Variants in EIF2S2 observed in about 807,000 individuals in gnomAD.
The protein encoded by EIF2S2 is eukaryotic translation initiation factor 2 subunit beta.
Under a neutral mutation model 44.0 loss-of-function variants are expected in EIF2S2, and 4 were observed. The observed-to-expected ratio is 0.09, with a 90% CI of 0.04 to 0.21. EIF2S2 has a LOEUF of 0.21. Ranked by LOEUF, EIF2S2 falls within the 10% of genes least tolerant of loss-of-function variation. The pLI is 1.00. For missense variants in EIF2S2, 154 were observed against 392.0 expected (o/e 0.39, Z 5.13); for synonymous variants, 108 against 128.3 (o/e 0.84, Z 1.07).
At chr20:34,095,229 T>TA in intron 6 of EIF2S2, among the ~76,000 whole-genome samples, 1 of 152,088 alleles carries the variant, frequency 6.6e-6, no homozygotes, top group East Asian at 1.9e-4. Flanking sequence ...TAAAAACCAG[T>TA]ATGATAGCAA....
chr20:34,112,165 G>C lies in EIF2S2; in HGVS notation c.-55C>G. On this transcript the variant is annotated 5_prime_UTR_variant, in exon 1 of 9. Coordinates refer to ENST00000374980, the MANE Select transcript of EIF2S2 (RefSeq NM_003908.5). ...CGGGAAGTCAGACGGGTCAGCCCCA[G>C]GCCCCGGCGGCAGCGCTGCCCCTGC... The C allele has an allele frequency of 1.3e-6, 2 of 1,500,224 alleles. No individual in the cohort carries two copies. Among genetic ancestry groups the C allele is most frequent in the South Asian group, 1.3e-5 (1 of 79,940 alleles). 92.9% of individuals were successfully genotyped at this position (1,500,224 alleles called of 1,614,324 possible). A position where few individuals can be genotyped will look rare whatever the true frequency, so the allele number is the denominator to read the frequency against.
chr20:34,097,331 A>G (rs2034240724), intron 5 of EIF2S2, 85 bp downstream of exon 5: 7 of 1,159,486 alleles, frequency 6.0e-6, no homozygotes, highest in South Asian at 4.1e-5. Context: ...CATTACTTCA[A>G]CGGCCGTTCC....
rs144844554 is a variant in EIF2S2 at position 34,105,898 on chromosome 20, A to G, written c.16-353T>C. Among the ~76,000 whole-genome samples the G allele has an allele frequency of 2.1e-4, 32 of 152,290 alleles. No homozygotes were observed. In the East Asian group the frequency reaches 4.0e-3, roughly 19 times the overall value. Reference sequence around the variant, plus strand: ...CCTCACTTTACAGATATAGGAAAACAATACCTAAGCGGGGTGTAAATTTTT... The same window carrying G: ...CCTCACTTTACAGATATAGGAAAACGATACCTAAGCGGGGTGTAAATTTTT... On this transcript the variant is annotated intron_variant, in intron 1 of 8. Coordinates refer to ENST00000374980, the MANE Select transcript of EIF2S2 (RefSeq NM_003908.5).
At chr20:34,091,482 G>A (rs1443029636) in intron 7 of EIF2S2, among the ~76,000 whole-genome samples, 1 of 152,140 alleles carries the variant, frequency 6.6e-6, no homozygotes, top group Admixed American at 6.5e-5. Flanking sequence ...TTGGGAGGCT[G>A]AGGCGAGTTG....
In EIF2S2 at chr20:34,105,392, C is replaced by T. The variant is rs1409995634; in HGVS notation, c.169G>A (p.Asp57Asn). ...EPTEDKDLEA[D>N]EEDTRKKDAS... ...CCTTTTTTCCTAGTGTCCTCTTCAT[C>T]AGCTTCCAAATCCTTGTCCTCAGTT... Residue 57 changes from aspartate to asparagine, a missense_variant, in exon 2 of 9, where the codon GAT becomes AAT. Physicochemically the swap from Asp to Asn is conservative, Grantham distance 23 (BLOSUM62 1). Around this residue, in one of 2 missense-constraint regions of EIF2S2, gnomAD observed 134 missense variants for 225.0 expected, o/e 0.60. Coordinates refer to ENST00000374980, the MANE Select transcript of EIF2S2 (RefSeq NM_003908.5). The T allele has an allele frequency of 2.0e-5, 33 of 1,613,240 alleles. No individual in the cohort carries two copies. The highest frequency in any genetic ancestry group is 2.7e-5 in the Non-Finnish European group (32 of 1,179,736).
chr20:34,095,310 C>CT lies in EIF2S2; in HGVS notation c.683+1346dup, dbSNP rs148341160. Among the ~76,000 whole-genome samples, 228 of 123,896 alleles carry CT rather than the reference C, an allele frequency of 1.8e-3. 1 individual carries two copies. Among genetic ancestry groups the CT allele is most frequent in the East Asian group, 8.7e-3 (35 of 4,004 alleles). 81.3% of individuals were successfully genotyped at this position (123,896 alleles called of 152,430 possible). A position where few individuals can be genotyped will look rare whatever the true frequency, so the allele number is the denominator to read the frequency against. On this transcript the variant is annotated intron_variant, in intron 6 of 8. Coordinates refer to ENST00000374980, the MANE Select transcript of EIF2S2 (RefSeq NM_003908.5). ...TTAAACTATGATAAGTTAGCTACCT[C>CT]TTTTTTTTTTTTTTTTTTTTGACAG... is the stretch of plus-strand genomic sequence containing the variant.
chr20:34,098,409 A>C, intron 4 of EIF2S2, 89 bp downstream of exon 4: 1 of 1,491,136 alleles, frequency 6.7e-7, no homozygotes, highest in Non-Finnish European at 9.0e-7. Context: ...CAAGAAAAAA[A>C]TTTTAAAAGC....
rs202098007 is a variant in EIF2S2 at position 34,105,446 on chromosome 20, A to G, written c.115T>C (p.Ser39Pro). 632 of 1,614,068 alleles carry G rather than the reference A, an allele frequency of 3.9e-4. 6 individuals carry two copies. In the South Asian group the frequency reaches 5.2e-3, roughly 13 times the overall value. Reference sequence around the variant, plus strand: ...TCTGGCTCCACTTCTTTTGTTTCTGAAGGCTGGGTTTCCTCTGTTTGGGTA... The same window carrying G: ...TCTGGCTCCACTTCTTTTGTTTCTGGAGGCTGGGTTTCCTCTGTTTGGGTA... ...GDTQTEETQPSETKEVEPEPT... is the reference protein window; with the variant it reads ...GDTQTEETQPPETKEVEPEPT... Residue 39 changes from serine to proline, a missense_variant, in exon 2 of 9, where the codon TCA becomes CCA. By Grantham distance (74) the Ser-to-Pro change is moderately conservative. Around this residue, in one of 2 missense-constraint regions of EIF2S2, gnomAD observed 134 missense variants for 225.0 expected, o/e 0.60. Coordinates refer to ENST00000374980, the MANE Select transcript of EIF2S2 (RefSeq NM_003908.5).
chr20:34,090,356 A>G (rs959417223), intron 8 of EIF2S2, among the ~76,000 whole-genome samples, 161 bp downstream of exon 8: 2 of 152,204 alleles, frequency 1.3e-5, no homozygotes, highest in African/African-American at 4.8e-5. Context: ...CTATACCCCT[A>G]GTTAGTAGGC....
intron 4 of EIF2S2, among the ~76,000 whole-genome samples, chr20:34,098,170 C>T (rs1416593610): frequency 6.6e-6 from 1 of 151,260 alleles, no homozygotes; most frequent in Admixed American, 6.6e-5. Context: ...CGCTTGAACC[C>T]GGTAGGCAGA....
rs919342831 is a variant in EIF2S2 at position 34,089,397 on chromosome 20, A to G, written c.*333T>C. 3 of 234,852 alleles carry G rather than the reference A, an allele frequency of 1.3e-5. No homozygotes were observed. Among genetic ancestry groups the G allele is most frequent in the African/African-American group, 2.3e-5 (1 of 43,426 alleles). The allele number at this position is 234,852 out of a possible 1,614,324, so 14.5% of individuals were successfully genotyped here. ...GTTTCTTGCTGATTTCACCAAGCAC[A>G]TTTATAGAAAAGAAAACTGAAGGAC... On this transcript the variant is annotated 3_prime_UTR_variant, in exon 9 of 9. Transcript: ENST00000374980.
intron 8 of EIF2S2, 95 bp from the exon 9 acceptor site, chr20:34,090,000 C>A: frequency 7.2e-7 from 1 of 1,383,724 alleles, no homozygotes; most frequent in Admixed American, 2.1e-5. Context: ...ACTCCACAAG[C>A]CCAGGCTGAG....
At position 34,098,516 on chromosome 20, in the gene EIF2S2, T is replaced by G. The variant is rs767210711; in HGVS notation, c.415A>C (p.Ile139Leu). ...GCATTACCTTCATCTTTCTCTAGTATTTCATCCTCATCTGGGAACTTAACA... is the reference window on the plus strand; with the variant it reads ...GCATTACCTTCATCTTTCTCTAGTAGTTCATCCTCATCTGGGAACTTAACA... ...KNVKFPDEDEILEKDEALEDE... is the reference protein window; with the variant it reads ...KNVKFPDEDELLEKDEALEDE... Residue 139 changes from isoleucine to leucine, a missense_variant, in exon 4 of 9, where the codon ATA (isoleucine) becomes CTA (leucine). By Grantham distance (5) the Ile-to-Leu change is conservative. This residue lies in a region of EIF2S2 where 134 missense variants were observed against 225.0 expected (regional missense o/e 0.60). Coordinates refer to ENST00000374980, the MANE Select transcript of EIF2S2 (RefSeq NM_003908.5). 6.2e-7 allele frequency: 1 copy of G among 1,613,662 alleles called. No homozygotes were observed. The highest frequency in any genetic ancestry group is 1.7e-5 in the Admixed American group (1 of 60,012).
chr20:34,099,812 C>T (rs1043138751), intron 3 of EIF2S2, among the ~76,000 whole-genome samples: 4 of 152,138 alleles, frequency 2.6e-5, no homozygotes, highest in Non-Finnish European at 4.4e-5. Context: ...GGATACAACT[C>T]ACAAACAGCC....
intron 4 of EIF2S2, among the ~76,000 whole-genome samples, chr20:34,097,989 T>TA (rs1319580560): frequency 6.6e-6 from 1 of 152,164 alleles, no homozygotes; most frequent in Non-Finnish European, 1.5e-5. Flanking sequence ...CTCACACCTG[T>TA]AATCCCAGCA....
chr20:34,093,703 C>T lies in EIF2S2; in HGVS notation c.712G>A (p.Ala238Thr). Reference protein sequence around the residue: ...LLHRQPKHLLAFLLAELGTSG... With the variant: ...LLHRQPKHLLTFLLAELGTSG... ...GTACCCAATTCAGCCAACAAAAATG[C>T]AAGGAGATGTTTGGGCTGACGATGT... The change falls in exon 7 of 9, where the codon GCA (alanine) becomes ACA (threonine). Residue 238 changes from alanine to threonine, a missense_variant. This residue lies in a region of EIF2S2 where 20 missense variants were observed against 167.0 expected (regional missense o/e 0.12). Coordinates refer to ENST00000374980, the MANE Select transcript of EIF2S2 (RefSeq NM_003908.5). 1 of 1,608,906 alleles carries T rather than the reference C, an allele frequency of 6.2e-7. No individual in the cohort carries two copies. The highest frequency in any genetic ancestry group is 8.5e-7 in the Non-Finnish European group (1 of 1,177,022).
chr20:34,090,829 C>A (rs557522613), intron 7 of EIF2S2, among the ~76,000 whole-genome samples: 20 of 152,214 alleles, frequency 1.3e-4, no homozygotes, highest in South Asian at 8.3e-4. Flanking sequence ...GCTCACTGCA[C>A]CTTCAATCTC....
intron 6 of EIF2S2, among the ~76,000 whole-genome samples, 183 bp from the exon 7 acceptor site, chr20:34,093,914 A>G (rs1417685312): frequency 6.6e-6 from 1 of 152,220 alleles, no homozygotes; most frequent in African/African-American, 2.4e-5. Context: ...TTGTTAAGAG[A>G]CAGGGTCTTG....
chr20:34,101,090 A>G (rs1216839444), intron 3 of EIF2S2, among the ~76,000 whole-genome samples: 2 of 152,196 alleles, frequency 1.3e-5, no homozygotes, highest in Non-Finnish European at 2.9e-5. Context: ...GGAGTAAATA[A>G]AGCTCAGATT....
Sources: gnomAD v4.1 joint callset for allele counts (sites outside exome capture counted in the v4.1 genomes callset) on GRCh38, gnomAD v4.1.1 for gene constraint, gnomAD v4.1.1 regional missense constraint, MANE v1.5 for transcripts, NCBI Gene and HGNC (gene_info 2026-07-23, HGNC 2026-07-21) for gene names.